Variants in POLR3G observed in about 807,000 individuals in gnomAD.
POLR3G encodes the protein RNA polymerase III subunit G.
Under a neutral mutation model 30.1 loss-of-function variants are expected in POLR3G, and 28 were observed. The ratio of observed to expected loss-of-function variants is 0.93; its 90% CI spans 0.69 to 1.27. The LOEUF (loss-of-function observed/expected upper bound fraction) is 1.27. Among genes scored for constraint, POLR3G ranks in the 50% most tolerant of loss-of-function variants. The pLI, the probability that POLR3G is intolerant of heterozygous loss-of-function variation, is 0.00. For missense variants in POLR3G, 254 were observed against 264.6 expected, an observed-to-expected ratio of 0.96 and a Z score of 0.28; for synonymous variants, 79 against 82.5, an observed-to-expected ratio of 0.96 and a Z score of 0.23.
chr5:90,482,885 A>G (rs948768487), intron 1 of POLR3G, among the ~76,000 whole-genome samples: 1 of 152,114 alleles, frequency 6.6e-6, no homozygotes, highest in African/African-American at 2.4e-5. Context: ...TCACAACTAT[A>G]ATCCCAGAAC....
At chr5:90,484,216 A>G (rs1422456339) in intron 1 of POLR3G, among the ~76,000 whole-genome samples, 2 of 152,186 alleles carry the variant, frequency 1.3e-5, no homozygotes, top group Admixed American at 1.3e-4. Flanking sequence ...GCCCACTCAC[A>G]GTTTCTTTTT....
intron 1 of POLR3G, among the ~76,000 whole-genome samples, chr5:90,478,410 A>G (rs1448301412): frequency 2.0e-5 from 3 of 151,980 alleles, no homozygotes; most frequent in African/African-American, 7.2e-5. Flanking sequence ...ACCAGCCTAG[A>G]CCTATGCTTC....
chr5:90,490,066 C>T (rs927834193), intron 3 of POLR3G, among the ~76,000 whole-genome samples: 4 of 151,874 alleles, frequency 2.6e-5, no homozygotes, highest in African/African-American at 9.7e-5. Context: ...GAGATTATGT[C>T]ACTGCACTGC....
chr5:90,510,496 A>T (rs1302597888), intron 7 of POLR3G, among the ~76,000 whole-genome samples: 1 of 152,216 alleles, frequency 6.6e-6, no homozygotes, highest in East Asian at 1.9e-4. Flanking sequence ...GATTTGGAAT[A>T]CTAGAGTATC....
At chr5:90,499,827 T>TA (rs375132286) in intron 5 of POLR3G, among the ~76,000 whole-genome samples, 46,172 of 152,054 alleles carry the variant, frequency 0.3, 7,636 homozygotes, top group Non-Finnish European at 0.38. Flanking sequence ...CAGTATATAA[T>TA]CATATTTAGC....
At chr5:90,501,818 C>A in intron 5 of POLR3G, 88 bp from the exon 6 acceptor site, 1 of 1,473,366 alleles carries the variant, frequency 6.8e-7, no homozygotes, top group Non-Finnish European at 9.3e-7. Flanking sequence ...TGCAGTAGCA[C>A]GATGCTGGAC....
At chr5:90,477,421 T>C (rs1204151645) in intron 1 of POLR3G, among the ~76,000 whole-genome samples, 1 of 151,978 alleles carries the variant, frequency 6.6e-6, no homozygotes, top group Admixed American at 6.6e-5. Flanking sequence ...CCACAGGAAG[T>C]TTATTTGTTC....
chr5:90,476,270 G>T (rs974393771), intron 1 of POLR3G, among the ~76,000 whole-genome samples: 5 of 152,086 alleles, frequency 3.3e-5, no homozygotes, highest in Non-Finnish European at 7.4e-5. Flanking sequence ...CTCAGCTGGG[G>T]GCTTTCCTTA....
At chr5:90,474,456 G>A, upstream of POLR3G, 2 of 655,362 alleles carry the variant, frequency 3.1e-6, no homozygotes, top group East Asian at 2.8e-5. Flanking sequence ...AATAGGAGGA[G>A]GAAGGACGCA....
rs1364890518 is a variant in POLR3G, at chr5:90,514,281, CTT to C, written c.*2143_*2144del. ...GAATGTTATTTTGCAGAATTAGCCT[CTT>C]ACATAAAAGTATTTGTTGAAGTGTC... On this transcript the variant is annotated 3_prime_UTR_variant, in exon 8 of 8. Transcript: ENST00000651687. The C allele has an allele frequency of 1.3e-5, 2 of 152,202 alleles. No individual in the cohort carries two copies. The highest frequency in any genetic ancestry group is 4.8e-5 in the African/African-American group (2 of 41,446). The allele number at this position is 152,202 out of a possible 1,614,324, so 9.4% of individuals were successfully genotyped here.
intron 7 of POLR3G, among the ~76,000 whole-genome samples, chr5:90,508,620 C>T (rs1402049874): frequency 1.3e-5 from 2 of 151,674 alleles, no homozygotes; most frequent in Admixed American, 1.3e-4. Flanking sequence ...CTTAGTTTCA[C>T]CTCCATCCTA....
chr5:90,479,275 C>T (rs1462364438), intron 1 of POLR3G, among the ~76,000 whole-genome samples: 1 of 152,120 alleles, frequency 6.6e-6, no homozygotes, highest in Admixed American at 6.5e-5. Context: ...AGTTCAAGAC[C>T]AGCCTTGCCA....
Position 90,506,612 on chromosome 5 carries a change from G to A in POLR3G, c.523G>A (p.Asp175Asn), listed in dbSNP as rs1325653011. ...AAGCAAAGAGAAAAGTAAAGAAGGT[G>A]ATGATGACGATGACGATGATGCCGC... ...EGSKEKSKEGDDDDDDDAAEQ... is the reference protein window; with the variant it reads ...EGSKEKSKEGNDDDDDDAAEQ... Residue 175 changes from aspartate to asparagine, a missense_variant, in exon 7 of 8, where the codon GAT becomes AAT. Asp to Asn is a conservative substitution (Grantham distance 23). Coordinates refer to ENST00000651687, the MANE Select transcript of POLR3G (RefSeq NM_006467.3). The A allele has an allele frequency of 6.2e-7, 1 of 1,613,706 alleles. No individual in the cohort carries two copies. The highest frequency in any genetic ancestry group is 8.5e-7 in the Non-Finnish European group (1 of 1,179,856).
chr5:90,485,951 G>A (rs953788483), intron 2 of POLR3G, among the ~76,000 whole-genome samples: 1 of 152,188 alleles, frequency 6.6e-6, no homozygotes, highest in African/African-American at 2.4e-5. Flanking sequence ...TTGTATTGGT[G>A]TTATTGATAA....
chr5:90,487,943 G>A, intron 2 of POLR3G, 57 bp from the exon 3 acceptor site: 1 of 1,380,880 alleles, frequency 7.2e-7, no homozygotes. Context: ...ACAGATAAAA[G>A]GGATATTAAA....
intron 3 of POLR3G, among the ~76,000 whole-genome samples, chr5:90,492,875 A>G (rs901060766): frequency 6.6e-6 from 1 of 152,114 alleles, no homozygotes; most frequent in Non-Finnish European, 1.5e-5. Context: ...AAAAAAAAAA[A>G]AAGTATGAGA....
chr5:90,505,860 C>T (rs1008386825), intron 6 of POLR3G, among the ~76,000 whole-genome samples: 2 of 152,070 alleles, frequency 1.3e-5, no homozygotes, highest in African/African-American at 4.8e-5. Context: ...CCTTATTTTT[C>T]CCCTTTTATG....
At position 90,513,432 on chromosome 5, in the gene POLR3G, TATTC is replaced by T. The variant is rs1326511926; in HGVS notation, c.*1298_*1301del. On this transcript the variant is annotated 3_prime_UTR_variant, in exon 8 of 8. Transcript: ENST00000651687. The stretch of plus-strand genomic sequence containing the variant: ...AACACCAACCAAAATTTACCATATG[TATTC>T]ATTCTCTTGCCTTAAAGATCACTTC... The T allele has an allele frequency of 6.6e-6, 1 of 152,620 alleles. No individual in the cohort carries two copies. 9.5% of individuals were successfully genotyped at this position (152,620 alleles called of 1,614,324 possible). A position where few individuals can be genotyped will look rare whatever the true frequency, so the allele number is the denominator to read the frequency against.
intron 6 of POLR3G, among the ~76,000 whole-genome samples, chr5:90,504,249 G>A (rs1014751645): frequency 1.3e-5 from 2 of 152,050 alleles, no homozygotes; most frequent in African/African-American, 4.8e-5. Flanking sequence ...ATGTGGCACT[G>A]AATGAATACT....
Sources: allele counts gnomAD v4.1 joint callset (sites outside exome capture counted in the v4.1 genomes callset), GRCh38; gene constraint gnomAD v4.1.1; transcripts MANE v1.5; gene names NCBI Gene and HGNC (gene_info 2026-07-23, HGNC 2026-07-21).